The following PIH1D2 variants were observed in gnomAD, a reference collection of about 807,000 sequenced individuals.
PIH1D2 encodes the protein PIH1 domain-containing protein 2.
In PIH1D2, 25 loss-of-function variants were observed where a neutral mutation model predicts 31.2. That is an observed-to-expected ratio of 0.80 (90% confidence interval 0.58 to 1.12). The LOEUF (loss-of-function observed/expected upper bound fraction) is 1.12. Ranked by LOEUF, PIH1D2 falls within the 50% of genes most tolerant of loss-of-function variation. The pLI, the probability that PIH1D2 is intolerant of heterozygous loss-of-function variation, is 0.00. For missense variants in PIH1D2, 310 were observed against 356.6 expected, an observed-to-expected ratio of 0.87 and a Z score of 1.05; for synonymous variants, 116 against 119.9, an observed-to-expected ratio of 0.97 and a Z score of 0.21.
At chr11:112,055,346 C>T in the PIH1D2 span, among the ~76,000 whole-genome samples, 1 of 146,812 alleles carries the variant, frequency 6.8e-6, no homozygotes, top group South Asian at 2.2e-4. Flanking sequence ...TGGGTTCATG[C>T]CGTTCTCCTG....
At chr11:112,061,816 C>T (rs1272571531), downstream of PIH1D2, among the ~76,000 whole-genome samples, 2 of 152,176 alleles carry the variant, frequency 1.3e-5, no homozygotes, top group Non-Finnish European at 2.9e-5. Flanking sequence ...ATCCTGACCT[C>T]AAATGATCTG....
At chr11:112,055,522 G>A in the PIH1D2 span, among the ~76,000 whole-genome samples, 1 of 151,760 alleles carries the variant, frequency 6.6e-6, no homozygotes, top group Admixed American at 6.6e-5. Flanking sequence ...GGGATTACAG[G>A]CGTGAGCCAC....
chr11:112,072,475 A>G (rs935094555), intron 2 of PIH1D2, among the ~76,000 whole-genome samples: 5 of 127,814 alleles, frequency 3.9e-5, no homozygotes, highest in South Asian at 2.8e-4. Context: ...TTGGGCTGCA[A>G]TGAGCTGTGA....
At chr11:112,072,596 G>T (rs1865161366) in intron 2 of PIH1D2, 1 of 149,316 alleles carries the variant, frequency 6.7e-6, no homozygotes, top group Non-Finnish European at 1.5e-5. Context: ...AGGCGCAGTG[G>T]CTCATGCCTG....
At chr11:112,070,246 A>C (rs1566655056) in intron 5 of PIH1D2, 190 bp downstream of exon 5, 1 of 664,648 alleles carries the variant, frequency 1.5e-6, no homozygotes, top group Non-Finnish European at 2.5e-6. Flanking sequence ...GATCCACTGC[A>C]TGGTTTGATC....
downstream of PIH1D2, among the ~76,000 whole-genome samples, chr11:112,065,142 A>G (rs45539731): frequency 5.8e-3 from 881 of 152,250 alleles, 9 homozygotes; most frequent in Middle Eastern, 0.017. Flanking sequence ...CCAGCCTCCA[A>G]ATTTCTAATT....
the PIH1D2 span, among the ~76,000 whole-genome samples, chr11:112,053,980 C>G: frequency 6.6e-6 from 1 of 152,108 alleles, no homozygotes; most frequent in African/African-American, 2.4e-5. Flanking sequence ...ATAACACCAT[C>G]TTCCCAAATT....
chr11:112,059,760 C>A, downstream of PIH1D2: 1 of 633,878 alleles, frequency 1.6e-6, no homozygotes, highest in Non-Finnish European at 2.6e-6. Flanking sequence ...TTAGGATAGA[C>A]ATCTTAATTT....
At chr11:112,070,730 T>C (rs781894129) in intron 4 of PIH1D2, 29 bp from the exon 5 acceptor site, 1 of 1,594,930 alleles carries the variant, frequency 6.3e-7, no homozygotes, top group Non-Finnish European at 8.6e-7. Context: ...GGAGGGGAGA[T>C]AAAAAATAAA....
At chr11:112,056,663 A>T in the PIH1D2 span, among the ~76,000 whole-genome samples, 1 of 152,234 alleles carries the variant, frequency 6.6e-6, no homozygotes, top group East Asian at 1.9e-4. Context: ...GTGGACATAT[A>T]TTTTTATTTC....
intron 4 of PIH1D2, 143 bp from the exon 5 acceptor site, chr11:112,070,844 A>G: frequency 8.1e-7 from 1 of 1,237,580 alleles, no homozygotes; most frequent in Non-Finnish European, 1.1e-6. Context: ...AAAGAATCTT[A>G]AACCAAAGAA....
At chr11:112,057,305 G>A in the PIH1D2 span, among the ~76,000 whole-genome samples, 1 of 152,152 alleles carries the variant, frequency 6.6e-6, no homozygotes, top group South Asian at 2.1e-4. Flanking sequence ...GCCTCTGAGT[G>A]TTTCAGTGAA....
downstream of PIH1D2, among the ~76,000 whole-genome samples, chr11:112,058,515 C>T (rs73568046): frequency 0.047 from 6,957 of 147,948 alleles, 430 homozygotes; most frequent in African/African-American, 0.14. Context: ...AACTTTTTCT[C>T]GATTGCAGAA....
chr11:112,071,013 T>C (rs781991043), intron 4 of PIH1D2, 25 bp downstream of exon 4: 1 of 1,599,904 alleles, frequency 6.3e-7, no homozygotes, highest in Admixed American at 1.7e-5. Flanking sequence ...GCAGTTTAAT[T>C]TTCCATTTAC....
rs1293117444 is a variant in PIH1D2, at chr11:112,073,988, T to C, written c.-40A>G. On this transcript the variant is annotated 5_prime_UTR_variant, in exon 1 of 6. Transcript: ENST00000280350. ...TAGGTTGGCAAACCCACCTCTTCTC[T>C]CAGTTCCTTGACAAACCGCGACGCC... 5.8e-6 allele frequency: 1 copy of C among 171,360 alleles called. No individual in the cohort carries two copies. The allele number at this position is 171,360 out of a possible 1,614,324, so 10.6% of individuals were successfully genotyped here.
At chr11:112,056,330 C>T in the PIH1D2 span, among the ~76,000 whole-genome samples, 2 of 152,090 alleles carry the variant, frequency 1.3e-5, no homozygotes, top group Non-Finnish European at 2.9e-5. Context: ...CACTCATGCT[C>T]ATTTATAGTA....
intron 5 of PIH1D2, among the ~76,000 whole-genome samples, chr11:112,068,927 A>G (rs1318768907): frequency 6.6e-6 from 1 of 151,594 alleles, no homozygotes; most frequent in Non-Finnish European, 1.5e-5. Context: ...TTAAGGCAAT[A>G]TAGAGGCAAA....
intron 5 of PIH1D2, among the ~76,000 whole-genome samples, chr11:112,068,733 G>A (rs369357190): frequency 6.6e-6 from 1 of 152,068 alleles, no homozygotes; most frequent in Non-Finnish European, 1.5e-5. Context: ...GCAGTAAGCT[G>A]AGATGGTGCC....
downstream of PIH1D2, chr11:112,062,370 T>C: frequency 6.2e-7 from 1 of 1,611,288 alleles, no homozygotes; most frequent in Non-Finnish European, 8.5e-7. Context: ...CAGTATTTTC[T>C]TTCAGAATAT....
Sources: gnomAD v4.1 joint callset for allele counts (sites outside exome capture counted in the v4.1 genomes callset) on GRCh38, gnomAD v4.1.1 for gene constraint, MANE v1.5 for transcripts, NCBI Gene and HGNC (gene_info 2026-07-23, HGNC 2026-07-21) for gene names.